Variants in VPS53 observed in about 807,000 individuals in gnomAD.
VPS53 encodes the protein vacuolar protein sorting-associated protein 53 homolog.
Under a neutral mutation model 107.0 loss-of-function variants are expected in VPS53, and 70 were observed. The ratio of observed to expected loss-of-function variants is 0.65; its 90% CI spans 0.54 to 0.80. The LOEUF is 0.80. Ranked by LOEUF, VPS53 falls within the 30% of genes least tolerant of loss-of-function variation. VPS53 has a pLI of 0.00. For synonymous variants in VPS53, 409 were observed against 393.3 expected, an observed-to-expected ratio of 1.04 and a Z score of -0.47; for missense variants, 917 against 1,049.4, an observed-to-expected ratio of 0.87 and a Z score of 1.74.
chr17:647,296 G>A (rs1481893593), intron 7 of VPS53, among the ~76,000 whole-genome samples: 1 of 152,182 alleles, frequency 6.6e-6, no homozygotes, highest in Non-Finnish European at 1.5e-5. Flanking sequence ...TGTTACATCT[G>A]TTATACTGGA....
At chr17:607,665 A>G (rs955597001) in intron 11 of VPS53, among the ~76,000 whole-genome samples, 1 of 152,232 alleles carries the variant, frequency 6.6e-6, no homozygotes, top group African/African-American at 2.4e-5. Flanking sequence ...GCTGCTAAAT[A>G]AAGCCAAAAA....
intron 13 of VPS53, among the ~76,000 whole-genome samples, chr17:581,214 C>T (rs375421828): frequency 5.1e-4 from 78 of 151,992 alleles, no homozygotes; most frequent in African/African-American, 1.8e-3. Context: ...CAGATCTTCA[C>T]TCAGGACCTG....
At chr17:667,773 T>C (rs1247548442) in intron 4 of VPS53, among the ~76,000 whole-genome samples, 2 of 152,106 alleles carry the variant, frequency 1.3e-5, no homozygotes, top group Admixed American at 6.5e-5. Flanking sequence ...GTCCGTGGCC[T>C]GTTGGGAACT....
rs746571970 is a variant in VPS53 at position 678,633 on chromosome 17, A to AAT, written c.286-16740_286-16739dup. Among the ~76,000 whole-genome samples, 345 of 146,210 alleles carry AAT rather than the reference A, an allele frequency of 2.4e-3. 3 individuals carry two copies. Among genetic ancestry groups the AAT allele is most frequent in the African/African-American group, 6.3e-3 (251 of 39,908 alleles). ...AGGCATGTGCCACCACTCCTGGCTA[A>AAT]ATATATATATATATATATTTTTTTG... On this transcript the variant is annotated intron_variant, in intron 4 of 21. Coordinates refer to ENST00000437048, the MANE Select transcript of VPS53 (RefSeq NM_001128159.3).
intron 5 of VPS53, chr17:657,030 C>A: frequency 1.2e-6 from 1 of 857,846 alleles, no homozygotes; most frequent in Non-Finnish European, 2.0e-6. Flanking sequence ...AGGTGAGCAC[C>A]TCCAGTCACC....
chr17:538,366 G>T (rs1910282169), intron 17 of VPS53: 1 of 152,434 alleles, frequency 6.6e-6, no homozygotes, highest in African/African-American at 2.4e-5. Context: ...CTCTCACAAT[G>T]GAGCTGGATG....
rs35712141 is a variant in VPS53, at chr17:516,095, C to T, written c.*3033G>A. On this transcript the variant is annotated 3_prime_UTR_variant, in exon 22 of 22. Coordinates refer to ENST00000437048, the MANE Select transcript of VPS53 (RefSeq NM_001128159.3). ...CTGGGATTACAGGCGTGAGCCACCG[C>T]GCCTGACCCAACACAAGTTTAAAAT... 0.086 allele frequency: 13,133 copies of T among 151,888 alleles called. 665 individuals are homozygous for T. The highest frequency in any genetic ancestry group is 0.12 in the East Asian group (613 of 5,136). 9.4% of individuals were successfully genotyped at this position (151,888 alleles called of 1,614,324 possible).
chr17:660,884 T>C (rs185226048), intron 5 of VPS53, among the ~76,000 whole-genome samples: 95 of 152,292 alleles, frequency 6.2e-4, no homozygotes, highest in African/African-American at 2.2e-3. Context: ...CAGGACATTA[T>C]TGAGTCTGAA....
chr17:613,538 C>A (rs1235491268), intron 11 of VPS53, among the ~76,000 whole-genome samples: 1 of 146,884 alleles, frequency 6.8e-6, no homozygotes, highest in Non-Finnish European at 1.5e-5. Context: ...TGAGTTCACA[C>A]AGTGAAAACC....
intron 15 of VPS53, among the ~76,000 whole-genome samples, chr17:554,455 G>GT (rs764979156): frequency 9.2e-5 from 14 of 152,174 alleles, no homozygotes; most frequent in Non-Finnish European, 2.1e-4. Context: ...CCAGGCTGGA[G>GT]TGCAATGGTA....
chr17:698,578 C>G (rs1318351734), intron 3 of VPS53, among the ~76,000 whole-genome samples: 2 of 151,992 alleles, frequency 1.3e-5, no homozygotes, highest in Non-Finnish European at 2.9e-5. Flanking sequence ...GGTGGTGCGC[C>G]TGTAGTCCCA....
At chr17:691,311 A>C (rs1972767586) in intron 4 of VPS53, among the ~76,000 whole-genome samples, 2 of 152,204 alleles carry the variant, frequency 1.3e-5, no homozygotes, top group Non-Finnish European at 2.9e-5. Context: ...CTAAGAAAGG[A>C]GTTTCTCACA....
At chr17:661,111 C>T (rs571212739) in intron 5 of VPS53, among the ~76,000 whole-genome samples, 246 of 152,086 alleles carry the variant, frequency 1.6e-3, no homozygotes, top group Non-Finnish European at 2.9e-3. Context: ...CCATTCTCAG[C>T]GTGCATCGAG....
chr17:631,594 T>C lies in VPS53; in HGVS notation c.643A>G (p.Ile215Val). The change falls in exon 8 of 22, where the codon ATC becomes GTC. Residue 215 changes from isoleucine to valine, a missense_variant. Physicochemically the swap from Ile to Val is conservative, Grantham distance 29. Coordinates refer to ENST00000437048, the MANE Select transcript of VPS53 (RefSeq NM_001128159.3). Reference protein sequence around the residue: ...KAAQTELGQQILADFEEAFPS... With the variant: ...KAAQTELGQQVLADFEEAFPS... ...AACGCTTCTTCAAAATCTGCCAGGA[T>C]TTGCTGTCCTAACTCAGTCTGTGCA... 2 of 1,614,052 alleles carry C rather than the reference T, an allele frequency of 1.2e-6. No individual in the cohort carries two copies. Among genetic ancestry groups the C allele is most frequent in the Admixed American group, 1.7e-5 (1 of 60,012 alleles).
At chr17:600,690 T>C (rs1968288230) in intron 12 of VPS53, among the ~76,000 whole-genome samples, 1 of 152,246 alleles carries the variant, frequency 6.6e-6, no homozygotes, top group Middle Eastern at 3.2e-3. Context: ...AAAGGAATTC[T>C]AGTTTCTGAC....
chr17:703,600 C>T (rs374646113), intron 2 of VPS53, among the ~76,000 whole-genome samples: 2 of 152,236 alleles, frequency 1.3e-5, no homozygotes, highest in South Asian at 4.1e-4. Flanking sequence ...TGTGGTTGTA[C>T]AGTTTTGTTT....
At chr17:533,635 C>A (rs966712110) in intron 18 of VPS53, among the ~76,000 whole-genome samples, 7 of 152,226 alleles carry the variant, frequency 4.6e-5, no homozygotes, top group Admixed American at 6.5e-5. Flanking sequence ...TCTTCTGCTG[C>A]CTTCGCCATA....
intron 13 of VPS53, among the ~76,000 whole-genome samples, chr17:585,751 C>G (rs915984934): frequency 7.2e-5 from 11 of 151,986 alleles, no homozygotes; most frequent in African/African-American, 2.4e-4. Context: ...GGGTCCTGGA[C>G]CAGAAAAAGG....
intron 4 of VPS53, among the ~76,000 whole-genome samples, chr17:695,372 A>AAAAG (rs1972919908): frequency 6.6e-6 from 1 of 152,124 alleles, no homozygotes; most frequent in Non-Finnish European, 1.5e-5. Context: ...AAGATTGGGA[A>AAAAG]ATGCGGCGGC....
Sources: allele counts gnomAD v4.1 joint callset (sites outside exome capture counted in the v4.1 genomes callset), GRCh38; gene constraint gnomAD v4.1.1; transcripts MANE v1.5; gene names NCBI Gene and HGNC (gene_info 2026-07-23, HGNC 2026-07-21).